Variants in BNC2 observed in about 807,000 individuals in gnomAD.
The protein encoded by BNC2 is zinc finger protein basonuclin-2.
Under a neutral mutation model 76.3 loss-of-function variants are expected in BNC2, and 20 were observed. That is an observed-to-expected ratio of 0.26 (90% CI 0.18 to 0.38). BNC2 has a LOEUF of 0.38. Among genes scored for constraint, BNC2 ranks in the 10% least tolerant of loss-of-function variants. The pLI, the probability that BNC2 is intolerant of heterozygous loss-of-function variation, is 1.00. For missense variants in BNC2, 1,382 were observed against 1,399.8 expected (o/e 0.99, Z 0.20); for synonymous variants, 582 against 514.8 (o/e 1.13, Z -1.77).
At chr9:16,859,127 G>A (rs1173492179) in intron 1 of BNC2, among the ~76,000 whole-genome samples, 2 of 151,700 alleles carry the variant, frequency 1.3e-5, no homozygotes, top group Non-Finnish European at 2.9e-5. Flanking sequence ...ATCAAGGAAA[G>A]GCAAATCAAA....
intron 3 of BNC2, among the ~76,000 whole-genome samples, chr9:16,586,297 T>C (rs1819769347): frequency 6.6e-6 from 1 of 152,100 alleles, no homozygotes; most frequent in African/African-American, 2.4e-5. Context: ...GTCTGCACCT[T>C]ATTGAAAGTA....
intron 1 of BNC2, among the ~76,000 whole-genome samples, chr9:16,786,787 G>C (rs1826306145): frequency 6.6e-6 from 1 of 152,088 alleles, no homozygotes; most frequent in South Asian, 2.1e-4. Flanking sequence ...ACCACAAAGA[G>C]TGGCATCCTC....
chr9:16,521,589 G>A (rs560364154), intron 5 of BNC2, among the ~76,000 whole-genome samples: 4 of 152,210 alleles, frequency 2.6e-5, no homozygotes, highest in Middle Eastern at 3.4e-3. Flanking sequence ...GGGAGGGGAC[G>A]GGAATTAAAG....
chr9:16,709,960 T>C (rs749903281), intron 3 of BNC2, among the ~76,000 whole-genome samples: 10 of 152,068 alleles, frequency 6.6e-5, no homozygotes, highest in Non-Finnish European at 1.2e-4. Context: ...ACTTCTAAGA[T>C]TGCCCAGACT....
intron 5 of BNC2, among the ~76,000 whole-genome samples, chr9:16,509,710 A>C (rs947617435): frequency 2.0e-5 from 3 of 152,242 alleles, no homozygotes; most frequent in African/African-American, 7.2e-5. Flanking sequence ...TCTATTCAGG[A>C]AAGCAGGAAA....
intron 1 of BNC2, among the ~76,000 whole-genome samples, chr9:16,816,027 T>G (rs1023391196): frequency 4.6e-5 from 7 of 152,172 alleles, no homozygotes; most frequent in African/African-American, 1.7e-4. Context: ...TATTTGCCCC[T>G]TGTGTTTATT....
intron 4 of BNC2, among the ~76,000 whole-genome samples, chr9:16,573,556 T>C (rs1332888900): frequency 6.6e-6 from 1 of 151,992 alleles, no homozygotes; most frequent in Non-Finnish European, 1.5e-5. Flanking sequence ...TCTTGGCGAG[T>C]AGAATCTAAG....
chr9:16,520,201 T>C (rs1244276269), intron 5 of BNC2, among the ~76,000 whole-genome samples: 1 of 152,064 alleles, frequency 6.6e-6, no homozygotes, highest in African/African-American at 2.4e-5. Flanking sequence ...AGTAAAACAA[T>C]CATCTCACAC....
At chr9:16,480,587 G>A (rs1053895047) in intron 5 of BNC2, among the ~76,000 whole-genome samples, 6 of 152,306 alleles carry the variant, frequency 3.9e-5, no homozygotes, top group East Asian at 1.9e-4. Context: ...TGGGCTTGGC[G>A]GGCCCCACAC....
chr9:16,565,238 G>A (rs1171475282), intron 4 of BNC2, among the ~76,000 whole-genome samples: 1 of 151,980 alleles, frequency 6.6e-6, no homozygotes, highest in Non-Finnish European at 1.5e-5. Flanking sequence ...ACACATAACT[G>A]CCCCACTTCT....
chr9:16,462,678 C>T (rs982527076), intron 5 of BNC2, among the ~76,000 whole-genome samples: 4 of 152,114 alleles, frequency 2.6e-5, no homozygotes, highest in East Asian at 1.9e-4. Context: ...ATGGAAATGG[C>T]GGGGGAGACA....
chr9:16,808,150 G>A (rs1378403217), intron 1 of BNC2, among the ~76,000 whole-genome samples: 2 of 152,146 alleles, frequency 1.3e-5, no homozygotes, highest in Non-Finnish European at 1.5e-5. Flanking sequence ...AGCTACAAGT[G>A]TTAGACGTAT....
At chr9:16,864,400 T>A (rs1586946037) in intron 1 of BNC2, among the ~76,000 whole-genome samples, 1 of 152,184 alleles carries the variant, frequency 6.6e-6, no homozygotes, top group South Asian at 2.1e-4. Flanking sequence ...TCTGAAAGAT[T>A]TGAAAAAAGA....
chr9:16,632,198 T>C lies in BNC2; in HGVS notation c.331-49113A>G, dbSNP rs189853206. 3.8e-3 allele frequency among the ~76,000 whole-genome samples: 561 copies of C among 145,892 alleles called. 4 individuals carry two copies. Among genetic ancestry groups the C allele is most frequent in the African/African-American group, 0.013 (522 of 39,192 alleles). On this transcript the variant is annotated intron_variant, in intron 3 of 6. Coordinates refer to ENST00000380672, the MANE Select transcript of BNC2 (RefSeq NM_017637.6). ...TATGATGGTAGGAACTATTCCCTCC[T>C]TTTTTTTAATCGTTATTTTTATTTC... is the stretch of plus-strand genomic sequence containing the variant.
chr9:16,745,781 T>C (rs944115961), intron 1 of BNC2, among the ~76,000 whole-genome samples: 2 of 152,228 alleles, frequency 1.3e-5, no homozygotes, highest in Non-Finnish European at 2.9e-5. Flanking sequence ...CTGTAGTATA[T>C]ATATAAGGAA....
chr9:16,469,387 G>A (rs1470304211), intron 5 of BNC2, among the ~76,000 whole-genome samples: 1 of 152,150 alleles, frequency 6.6e-6, no homozygotes, highest in Non-Finnish European at 1.5e-5. Flanking sequence ...AGATTTGATG[G>A]GTTTTTCAGG....
chr9:16,717,799 A>G (rs1193727604), intron 3 of BNC2, among the ~76,000 whole-genome samples: 2 of 152,212 alleles, frequency 1.3e-5, no homozygotes, highest in Non-Finnish European at 2.9e-5. Context: ...CATTTTCGGC[A>G]TTCTGCAGTT....
At chr9:16,757,296 G>A (rs1825413958) in intron 1 of BNC2, among the ~76,000 whole-genome samples, 1 of 152,108 alleles carries the variant, frequency 6.6e-6, no homozygotes, top group African/African-American at 2.4e-5. Context: ...CTTGCTATAT[G>A]GTACAACATC....
At chr9:16,626,781 G>A (rs1048275652) in intron 3 of BNC2, among the ~76,000 whole-genome samples, 5 of 152,034 alleles carry the variant, frequency 3.3e-5, no homozygotes, top group African/African-American at 7.3e-5. Flanking sequence ...GGAAGGAAGC[G>A]AGAACAGGGT....
Sources: allele counts gnomAD v4.1 joint callset (sites outside exome capture counted in the v4.1 genomes callset), GRCh38; gene constraint gnomAD v4.1.1; transcripts MANE v1.5; gene names NCBI Gene and HGNC (gene_info 2026-07-23, HGNC 2026-07-21).